BCAR3: variants seen among roughly 807,000 people sequenced by gnomAD.
BCAR3 encodes breast cancer anti-estrogen resistance protein 3.
BCAR3 carries 37 observed loss-of-function variants against 80.1 expected under a neutral mutation model. That is an observed-to-expected ratio of 0.46 (90% CI 0.36 to 0.61). The LOEUF is 0.61. Ranked by LOEUF, BCAR3 falls within the 20% of genes least tolerant of loss-of-function variation. The pLI, the probability that BCAR3 is intolerant of heterozygous loss-of-function variation, is 0.00. For missense variants in BCAR3, 978 were observed against 1,068.2 expected (o/e 0.92, Z 1.18); for synonymous variants, 389 against 418.9 (o/e 0.93, Z 0.87).
At chr1:93,620,628 C>T (rs1349760185) in intron 3 of BCAR3, among the ~76,000 whole-genome samples, 1 of 152,140 alleles carries the variant, frequency 6.6e-6, no homozygotes, top group Non-Finnish European at 1.5e-5. Flanking sequence ...GGATGCCCTA[C>T]AGGATCCTCA....
intron 2 of BCAR3, among the ~76,000 whole-genome samples, chr1:93,800,942 C>T (rs12408575): frequency 0.14 from 21,517 of 152,156 alleles, 2,478 homozygotes; most frequent in African/African-American, 0.31. Context: ...AGGAAGAACA[C>T]TCTTTAAAAA....
chr1:93,609,711 C>T (rs1674893485), intron 3 of BCAR3, among the ~76,000 whole-genome samples: 2 of 152,204 alleles, frequency 1.3e-5, no homozygotes, highest in Admixed American at 1.3e-4. Flanking sequence ...GGCGGGCCTG[C>T]CAGCGGCCAC....
At chr1:93,579,584 C>T (rs1025454903) in intron 7 of BCAR3, among the ~76,000 whole-genome samples, 19 of 152,288 alleles carry the variant, frequency 1.2e-4, no homozygotes, top group African/African-American at 4.6e-4. Flanking sequence ...TGGGAACATC[C>T]TTGGGGTCTA....
At chr1:93,675,913 A>G (rs2101948758) in intron 1 of BCAR3, among the ~76,000 whole-genome samples, 1 of 141,628 alleles carries the variant, frequency 7.1e-6, no homozygotes, top group Non-Finnish European at 1.5e-5. Context: ...ACAGAGGAAA[A>G]GAAATAGGAG....
At chr1:93,764,509 T>C (rs951647029) in intron 2 of BCAR3, among the ~76,000 whole-genome samples, 15 of 152,104 alleles carry the variant, frequency 9.9e-5, no homozygotes, top group African/African-American at 3.6e-4. Flanking sequence ...GTGATATCTG[T>C]GGCCTCCATC....
At chr1:93,603,312 G>C (rs1407280536) in intron 3 of BCAR3, among the ~76,000 whole-genome samples, 1 of 152,240 alleles carries the variant, frequency 6.6e-6, no homozygotes, top group Non-Finnish European at 1.5e-5. Context: ...AGCTAAGGAG[G>C]TGCCACTTGT....
intron 2 of BCAR3, among the ~76,000 whole-genome samples, chr1:93,840,230 G>A (rs1476653755): frequency 6.6e-6 from 1 of 152,138 alleles, no homozygotes; most frequent in East Asian, 1.9e-4. Context: ...TCTTTTCTAG[G>A]AGAAACTGCT....
intron 3 of BCAR3, among the ~76,000 whole-genome samples, chr1:93,640,055 C>T (rs1281397774): frequency 2.0e-5 from 3 of 152,112 alleles, no homozygotes; most frequent in African/African-American, 7.2e-5. Context: ...GCTCAAGAGG[C>T]ATTAAGTGCA....
intron 2 of BCAR3, among the ~76,000 whole-genome samples, chr1:93,814,524 C>T (rs189923546): frequency 7.5e-4 from 115 of 152,346 alleles, no homozygotes; most frequent in African/African-American, 2.6e-3. Context: ...TCAGGACTCA[C>T]GTCCACTACC....
intron 3 of BCAR3, among the ~76,000 whole-genome samples, chr1:93,622,512 G>A (rs139334813): frequency 1.3e-5 from 2 of 152,258 alleles, no homozygotes; most frequent in East Asian, 1.9e-4. Flanking sequence ...GTCCTATTCC[G>A]CTCACAGCTG....
rs6541392 is a variant in BCAR3, at chr1:93,716,979, C to A, written c.-62-10837G>T. On this transcript the variant is annotated intron_variant, in intron 2 of 13. Coordinates refer to the BCAR3 transcript ENST00000370244. ...CCACAACACTTTGCAGTTCTATCAA[C>A]AGGTGGAATCAATTTCTCTACTCCT... 7.9e-3 allele frequency among the ~76,000 whole-genome samples: 1,198 copies of A among 152,298 alleles called. 20 individuals are homozygous for A. The highest frequency in any genetic ancestry group is 0.028 in the African/African-American group (1,154 of 41,560).
intron 2 of BCAR3, among the ~76,000 whole-genome samples, chr1:93,717,232 C>T (rs905903948): frequency 2.0e-5 from 3 of 152,222 alleles, no homozygotes; most frequent in African/African-American, 7.2e-5. Flanking sequence ...AGCCAACCTG[C>T]TACTTGATCA....
At chr1:93,715,301 A>G (rs1650158577) in intron 2 of BCAR3, among the ~76,000 whole-genome samples, 1 of 152,182 alleles carries the variant, frequency 6.6e-6, no homozygotes, top group Non-Finnish European at 1.5e-5. Flanking sequence ...ATGTTTTCTT[A>G]ACTTTTCACA....
Position 93,846,544 on chromosome 1 carries a change from C to T in BCAR3, c.-209+526G>A, listed in dbSNP as rs148431184. On this transcript the variant is annotated intron_variant, in intron 1 of 13. Transcript: ENST00000370244. ...AACCTGCCGGCCCCCACCCAGCCGCCTCTCAGATTCGTGGCGACCGCACCC... is the reference window on the plus strand; with the variant it reads ...AACCTGCCGGCCCCCACCCAGCCGCTTCTCAGATTCGTGGCGACCGCACCC... Among the ~76,000 whole-genome samples, 181 of 152,298 alleles carry T rather than the reference C, an allele frequency of 1.2e-3. 1 individual carries two copies. Among genetic ancestry groups the T allele is most frequent in the African/African-American group, 4.1e-3 (171 of 41,588 alleles).
chr1:93,575,506 C>T (rs891683454), intron 8 of BCAR3, among the ~76,000 whole-genome samples: 6 of 152,322 alleles, frequency 3.9e-5, no homozygotes, highest in East Asian at 1.9e-4. Flanking sequence ...GGACCAGTGC[C>T]GTCATCCCCT....
At chr1:93,777,847 C>T (rs968447539) in intron 2 of BCAR3, among the ~76,000 whole-genome samples, 1 of 152,290 alleles carries the variant, frequency 6.6e-6, no homozygotes. Flanking sequence ...CTTTGCTTTC[C>T]TGTTTTCAGA....
At chr1:93,689,126 G>A (rs946784566) in intron 3 of BCAR3, among the ~76,000 whole-genome samples, 6 of 152,156 alleles carry the variant, frequency 3.9e-5, no homozygotes, top group Admixed American at 3.9e-4. Flanking sequence ...GCATGGATCT[G>A]GAGTGAGAGA....
At chr1:93,783,105 TCAACCACTTGGGTAAACA>T (rs1239839555) in intron 2 of BCAR3, among the ~76,000 whole-genome samples, 18 of 152,204 alleles carry the variant, frequency 1.2e-4, no homozygotes, top group African/African-American at 4.3e-4. Context: ...ATAGACTTGC[TCAACCACTTGGGTAAACA>T]ATTTAGTATT....
intron 7 of BCAR3, among the ~76,000 whole-genome samples, chr1:93,579,266 T>G (rs1338506182): frequency 1.3e-5 from 2 of 152,206 alleles, no homozygotes; most frequent in Non-Finnish European, 2.9e-5. Context: ...GCCACTGCAC[T>G]TGGGATAGGA....
Sources: gnomAD v4.1 joint callset for allele counts (sites outside exome capture counted in the v4.1 genomes callset) on GRCh38, gnomAD v4.1.1 for gene constraint, MANE v1.5 for transcripts, NCBI Gene and HGNC (gene_info 2026-07-23, HGNC 2026-07-21) for gene names.